The following GSPT1 variants were observed in gnomAD, a reference collection of about 807,000 sequenced individuals.
GSPT1 encodes the protein eukaryotic peptide chain release factor GTP-binding subunit ERF3A.
GSPT1 carries 20 observed loss-of-function variants against 72.5 expected under a neutral mutation model. The ratio of observed to expected loss-of-function variants is 0.28; its 90% CI spans 0.19 to 0.40. GSPT1 has a LOEUF of 0.40. Ranked by LOEUF, GSPT1 falls within the 10% of genes least tolerant of loss-of-function variation. GSPT1 has a pLI of 1.00. For missense variants in GSPT1, 580 were observed against 811.9 expected (o/e 0.71, Z 3.47); for synonymous variants, 334 against 293.5 (o/e 1.14, Z -1.41).
In GSPT1 at chr16:11,913,132, C is replaced by T. The variant is rs535536144; in HGVS notation, c.352+2237G>A. On this transcript the variant is annotated intron_variant, in intron 1 of 14. Coordinates refer to ENST00000434724, the MANE Select transcript of GSPT1 (RefSeq NM_002094.4). ...GTAAGTTCCAATCCAGGTGTTATTT[C>T]CTATTTATCCCCCTGCTTTTTATAA... 2.0e-5 allele frequency among the ~76,000 whole-genome samples: 3 copies of T among 152,306 alleles called. No individual in the cohort carries two copies. The South Asian group carries it at 6.2e-4, about 32-fold the overall frequency.
chr16:11,886,973 G>A (rs1205232230), intron 7 of GSPT1, 42 bp from the exon 8 acceptor site: 1 of 1,538,838 alleles, frequency 6.5e-7, no homozygotes, highest in East Asian at 2.3e-5. Flanking sequence ...TCGCCTTCAG[G>A]CATACCCTTA....
chr16:11,885,418 TCA>T lies in GSPT1; in HGVS notation c.1254-146_1254-145del, dbSNP rs2054175647. On this transcript the variant is annotated intron_variant, in intron 9 of 14. Coordinates refer to ENST00000434724, the MANE Select transcript of GSPT1 (RefSeq NM_002094.4). ...CAACCACTTTATTATCCATTTCATC[TCA>T]CTTATTCCACAGAAAACTATTATAA... is the stretch of plus-strand genomic sequence containing the variant. The T allele has an allele frequency of 6.8e-6, 4 of 589,774 alleles. No individual in the cohort carries two copies. In the East Asian group the frequency reaches 1.2e-4, roughly 17 times the overall value. 36.5% of individuals were successfully genotyped at this position (589,774 alleles called of 1,614,324 possible). A position where few individuals can be genotyped will look rare whatever the true frequency, so the allele number is the denominator to read the frequency against.
chr16:11,872,648 T>G lies in GSPT1; in HGVS notation c.*471A>C, dbSNP rs936970926. 1 of 152,572 alleles carries G rather than the reference T, an allele frequency of 6.6e-6. No homozygotes were observed. The highest frequency in any genetic ancestry group is 1.5e-5 in the Non-Finnish European group (1 of 68,302). The allele number at this position is 152,572 out of a possible 1,614,324, so 9.5% of individuals were successfully genotyped here. A position where few individuals can be genotyped will look rare whatever the true frequency, so the allele number is the denominator to read the frequency against. On this transcript the variant is annotated 3_prime_UTR_variant, in exon 15 of 15. Transcript: ENST00000434724. ...AATGTTACATCCAGATAAAAAACAT[T>G]ATTCAAAAGCAATTCAAATACCGAA... is the stretch of plus-strand genomic sequence containing the variant.
chr16:11,911,388 CACTTT>C (rs1284706079), intron 1 of GSPT1, among the ~76,000 whole-genome samples: 1 of 151,972 alleles, frequency 6.6e-6, no homozygotes, highest in Non-Finnish European at 1.5e-5. Context: ...ACTGTATGTA[CACTTT>C]ACTTTTCTTT....
intron 4 of GSPT1, 75 bp downstream of exon 4, chr16:11,896,483 C>A: frequency 1.2e-6 from 1 of 814,162 alleles, no homozygotes. Context: ...TTTCACTAAA[C>A]ATCTCCAGGT....
At chr16:11,875,709 C>A in intron 14 of GSPT1, 52 bp downstream of exon 14, 1 of 1,367,026 alleles carries the variant, frequency 7.3e-7, no homozygotes, top group South Asian at 1.3e-5. Context: ...TGAAGATGAC[C>A]AAAGCTAGGT....
At position 11,870,406 on chromosome 16, in the gene GSPT1, T is replaced by A. The variant is rs1040422039; in HGVS notation, c.*2713A>T. On this transcript the variant is annotated 3_prime_UTR_variant, in exon 15 of 15. Coordinates refer to ENST00000434724, the MANE Select transcript of GSPT1 (RefSeq NM_002094.4). ...CATGAAAGTTATATAAAGAACATCA[T>A]TAATGTGAAAAGATGCAAGAAAAAA... 2 of 152,248 alleles carry A rather than the reference T, an allele frequency of 1.3e-5. No individual in the cohort carries two copies. The highest frequency in any genetic ancestry group is 2.9e-5 in the Non-Finnish European group (2 of 68,044). 9.4% of individuals were successfully genotyped at this position (152,248 alleles called of 1,614,324 possible). A position where few individuals can be genotyped will look rare whatever the true frequency, so the allele number is the denominator to read the frequency against.
Position 11,886,497 on chromosome 16 carries a change from C to G in GSPT1, c.1227G>C (p.Glu409Asp). The change falls in exon 9 of 15, where the codon GAG becomes GAC. Residue 409 changes from glutamate to aspartate, a missense_variant. Physicochemically the swap from Glu to Asp is conservative, Grantham distance 45. Coordinates refer to ENST00000434724, the MANE Select transcript of GSPT1 (RefSeq NM_002094.4). ...TGTACCAAGGACAGAAATCCGACTGCTCTTTGAGATTTGCTCCAGTAAGTC... is the reference window on the plus strand; with the variant it reads ...TGTACCAAGGACAGAAATCCGACTGGTCTTTGAGATTTGCTCCAGTAAGTC... ...CSGLTGANLKEQSDFCPWYIG... is the reference protein window; with the variant it reads ...CSGLTGANLKDQSDFCPWYIG... 1 of 1,613,106 alleles carries G rather than the reference C, an allele frequency of 6.2e-7. No individual in the cohort carries two copies. The highest frequency in any genetic ancestry group is 8.5e-7 in the Non-Finnish European group (1 of 1,179,332).
chr16:11,885,120 C>A lies in GSPT1; in HGVS notation c.1347+61G>T, dbSNP rs73511658. ...GAAAAAAAGTTTTCAAAACTAGAAA[C>A]AAAATGCACAACAATGATTTCCCCT... On this transcript the variant is annotated intron_variant, in intron 10 of 14. Coordinates refer to ENST00000434724, the MANE Select transcript of GSPT1 (RefSeq NM_002094.4). The A allele has an allele frequency of 0.01, 8,290 of 792,422 alleles. 474 individuals are homozygous for A. The African/African-American group carries it at 0.13, about 12-fold the overall frequency. The allele number at this position is 792,422 out of a possible 1,614,324, so 49.1% of individuals were successfully genotyped here. A position where few individuals can be genotyped will look rare whatever the true frequency, so the allele number is the denominator to read the frequency against.
chr16:11,893,997 AAC>A (rs2054302327), intron 5 of GSPT1, among the ~76,000 whole-genome samples: 1 of 151,678 alleles, frequency 6.6e-6, no homozygotes, highest in African/African-American at 2.4e-5. Context: ...TCTACAAAAA[AAC>A]ACAAAAATTA....
rs2053954516 is a variant in GSPT1 at position 11,869,447 on chromosome 16, T to C, written c.*3672A>G. The C allele has an allele frequency of 1.3e-5, 2 of 152,212 alleles. No homozygotes were observed. 9.4% of individuals were successfully genotyped at this position (152,212 alleles called of 1,614,324 possible). A position where few individuals can be genotyped will look rare whatever the true frequency, so the allele number is the denominator to read the frequency against. ...GATAATTGTCCCCTGAATCCACTGG[T>C]TGTTCTCTTCCTTACCTATGTCTGT... is the stretch of plus-strand genomic sequence containing the variant. On this transcript the variant is annotated 3_prime_UTR_variant, in exon 15 of 15. Coordinates refer to ENST00000434724, the MANE Select transcript of GSPT1 (RefSeq NM_002094.4).
chr16:11,913,355 T>C (rs1368846238), intron 1 of GSPT1, among the ~76,000 whole-genome samples: 4 of 152,236 alleles, frequency 2.6e-5, no homozygotes, highest in Non-Finnish European at 5.9e-5. Flanking sequence ...AACACCAAAA[T>C]AGTTTTTTGA....
At chr16:11,880,576 T>C (rs1367669411) in intron 11 of GSPT1, among the ~76,000 whole-genome samples, 1 of 152,212 alleles carries the variant, frequency 6.6e-6, no homozygotes, top group Non-Finnish European at 1.5e-5. Flanking sequence ...TCCTCCTGCC[T>C]CAGCTTTTCC....
At chr16:11,910,398 G>T (rs1356709050) in intron 1 of GSPT1, among the ~76,000 whole-genome samples, 6 of 152,070 alleles carry the variant, frequency 3.9e-5, no homozygotes, top group Middle Eastern at 3.2e-3. Context: ...ATTCCTTCAG[G>T]ACCACAATTT....
At position 11,915,787 on chromosome 16, in the gene GSPT1, A is replaced by G. The variant is rs746329566; in HGVS notation, c.-67T>C. 6 of 1,576,312 alleles carry G rather than the reference A, an allele frequency of 3.8e-6. No homozygotes were observed. In the South Asian group the frequency reaches 6.6e-5, roughly 17 times the overall value. ...TGGAGGCAGGGGCGCCCGGCCGGAG[A>G]GGAGTGGGCAACGCTGACTGAGGGA... On this transcript the variant is annotated 5_prime_UTR_variant, in exon 1 of 15. Coordinates refer to ENST00000434724, the MANE Select transcript of GSPT1 (RefSeq NM_002094.4).
At chr16:11,876,319 A>G (rs1402941022) in intron 12 of GSPT1, 144 bp from the exon 13 acceptor site, 2 of 658,082 alleles carry the variant, frequency 3.0e-6, no homozygotes, top group Non-Finnish European at 5.4e-6. Flanking sequence ...TAGAGGTGAT[A>G]GGTTTGTCTT....
At chr16:11,906,431 G>C (rs1002266785) in intron 1 of GSPT1, among the ~76,000 whole-genome samples, 1 of 152,078 alleles carries the variant, frequency 6.6e-6, no homozygotes, top group Non-Finnish European at 1.5e-5. Context: ...AAGAGTTCAA[G>C]ACCAGCCAGG....
In GSPT1 at chr16:11,892,535, A is replaced by AAT. The variant is rs1555504718; in HGVS notation, c.699-1397_699-1396insAT. 2.5e-3 allele frequency among the ~76,000 whole-genome samples: 375 copies of AAT among 147,658 alleles called. 5 individuals carry two copies. The highest frequency in any genetic ancestry group is 9.2e-3 in the African/African-American group (357 of 38,696). ...AAAACAAAAAAAACAAAAAAAACAA[A>AAT]AAATAAAAAATGGCCGGGCACGGTG... On this transcript the variant is annotated intron_variant, in intron 5 of 14. Transcript: ENST00000434724.
At chr16:11,886,754 A>G (rs1029044520) in intron 8 of GSPT1, 23 bp downstream of exon 8, 1 of 1,605,450 alleles carries the variant, frequency 6.2e-7, no homozygotes, top group Middle Eastern at 1.7e-4. Flanking sequence ...CACTAACATA[A>G]AATACCAGAC....
Sources: gnomAD v4.1 joint callset for allele counts (sites outside exome capture counted in the v4.1 genomes callset) on GRCh38, gnomAD v4.1.1 for gene constraint, MANE v1.5 for transcripts, NCBI Gene and HGNC (gene_info 2026-07-23, HGNC 2026-07-21) for gene names.